Variants in DIMT1 observed in about 807,000 individuals in gnomAD.
DIMT1 encodes dimethyladenosine transferase.
In DIMT1, 36 loss-of-function variants were observed where a neutral mutation model predicts 43.2. The ratio of observed to expected loss-of-function variants is 0.83; its 90% CI spans 0.64 to 1.10. The LOEUF is 1.10. Ranked by LOEUF, DIMT1 falls within the 50% of genes least tolerant of loss-of-function variation. DIMT1 has a pLI of 0.00. For missense variants in DIMT1, 341 were observed against 385.3 expected (o/e 0.88, Z 0.96); for synonymous variants, 126 against 130.3 (o/e 0.97, Z 0.22).
At chr5:62,397,652 C>CTT (rs35041675) in intron 6 of DIMT1, among the ~76,000 whole-genome samples, 2 of 147,474 alleles carry the variant, frequency 1.4e-5, no homozygotes, top group Non-Finnish European at 1.5e-5. Flanking sequence ...TCCCCATAAA[C>CTT]TTTTTTTTTT....
chr5:62,398,338 T>C (rs1742574121), intron 6 of DIMT1, 173 bp downstream of exon 6: 4 of 639,384 alleles, frequency 6.3e-6, no homozygotes, highest in South Asian at 6.1e-5. Context: ...TCCAGCACAC[T>C]ACCCCCAAAT....
chr5:62,397,056 T>A (rs1163921213), intron 6 of DIMT1, among the ~76,000 whole-genome samples: 2 of 152,180 alleles, frequency 1.3e-5, no homozygotes, highest in East Asian at 3.9e-4. Context: ...TTCAAGCGAT[T>A]CCCCTGCCTC....
chr5:62,394,724 G>C (rs1742419684), intron 6 of DIMT1, 117 bp from the exon 7 acceptor site: 2 of 1,334,488 alleles, frequency 1.5e-6, no homozygotes, highest in African/African-American at 1.5e-5. Flanking sequence ...TGATTATAAG[G>C]TAGGAGAACA....
chr5:62,391,984 AC>A, intron 10 of DIMT1, 186 bp downstream of exon 10: 1 of 1,540,854 alleles, frequency 6.5e-7, no homozygotes, highest in Non-Finnish European at 8.7e-7. Context: ...TATCTGTTTC[AC>A]AGGATACACA....
At chr5:62,392,375 T>C in intron 9 of DIMT1, 141 bp from the exon 10 acceptor site, 1 of 669,982 alleles carries the variant, frequency 1.5e-6, no homozygotes, top group Non-Finnish European at 2.5e-6. Context: ...ATATTCTGTA[T>C]GGTGAAATTA....
chr5:62,400,322 A>ACTG (rs1480775985), intron 3 of DIMT1, among the ~76,000 whole-genome samples: 2 of 151,734 alleles, frequency 1.3e-5, no homozygotes, highest in Admixed American at 6.6e-5. Context: ...ATCATAGCTC[A>ACTG]CTGCTGCCTC....
intron 9 of DIMT1, 24 bp downstream of exon 9, chr5:62,392,902 A>G (rs1361573801): frequency 6.4e-7 from 1 of 1,560,472 alleles, no homozygotes; most frequent in Non-Finnish European, 8.8e-7. Flanking sequence ...CCCTTTATAC[A>G]TTAGAAATTA....
intron 1 of DIMT1, 122 bp from the exon 2 acceptor site, chr5:62,403,468 A>C: frequency 9.6e-7 from 1 of 1,038,274 alleles, no homozygotes; most frequent in South Asian, 1.3e-5. Context: ...ACGAAACGTC[A>C]CGCCAGGACT....
intron 3 of DIMT1, among the ~76,000 whole-genome samples, chr5:62,400,886 C>G (rs1013289870): frequency 1.3e-5 from 2 of 151,852 alleles, no homozygotes; most frequent in African/African-American, 4.8e-5. Context: ...AGCCTCCCTG[C>G]TAGCCAGGGC....
chr5:62,403,060 A>G (rs1208658576), intron 2 of DIMT1, among the ~76,000 whole-genome samples: 1 of 152,234 alleles, frequency 6.6e-6, no homozygotes, highest in Non-Finnish European at 1.5e-5. Flanking sequence ...ATCCACAAAA[A>G]GACACAGAAT....
chr5:62,397,190 C>T (rs1419269369), intron 6 of DIMT1, among the ~76,000 whole-genome samples: 4 of 152,034 alleles, frequency 2.6e-5, no homozygotes, highest in Non-Finnish European at 4.4e-5. Flanking sequence ...GTGATCTGCC[C>T]GCCTCGGCCT....
At chr5:62,403,638 G>A (rs45623332) in intron 1 of DIMT1, 56 bp downstream of exon 1, 150,102 of 1,552,850 alleles carry the variant, frequency 0.097, 7,870 homozygotes, top group South Asian at 0.16. Context: ...CCCCAGGCTA[G>A]GTCCTGCCGG....
At chr5:62,398,938 T>G in intron 3 of DIMT1, 57 bp from the exon 4 acceptor site, 1 of 1,327,318 alleles carries the variant, frequency 7.5e-7, no homozygotes, top group Non-Finnish European at 1.0e-6. Context: ...AATCTTTTAT[T>G]GTTATCCCAA....
chr5:62,390,342 T>C (rs930514659), intron 11 of DIMT1, among the ~76,000 whole-genome samples: 9 of 152,236 alleles, frequency 5.9e-5, no homozygotes, highest in African/African-American at 2.2e-4. Context: ...TTATGACAGC[T>C]TTTTACTTGA....
intron 6 of DIMT1, among the ~76,000 whole-genome samples, chr5:62,395,766 G>A (rs1407618640): frequency 3.3e-5 from 5 of 152,158 alleles, no homozygotes; most frequent in East Asian, 1.9e-4. Flanking sequence ...CACTTTAGGA[G>A]GCCAAGGCGG....
Position 62,387,361 on chromosome 5 carries a change from C to T in DIMT1, c.*1649G>A, listed in dbSNP as rs1187712204. ...AAAGGTAGTTTTTGAGATTAACCAA[C>T]TTTCAAAGGGCAATAAAGACATGTG... On this transcript the variant is annotated 3_prime_UTR_variant, in exon 12 of 12. Transcript: ENST00000199320. 2 of 152,160 alleles carry T rather than the reference C, an allele frequency of 1.3e-5. No individual in the cohort carries two copies. Among genetic ancestry groups the T allele is most frequent in the Non-Finnish European group, 2.9e-5 (2 of 68,018 alleles). The allele number at this position is 152,160 out of a possible 1,614,324, so 9.4% of individuals were successfully genotyped here. A position where few individuals can be genotyped will look rare whatever the true frequency, so the allele number is the denominator to read the frequency against.
chr5:62,398,480 T>G (rs1347514870), intron 6 of DIMT1, 31 bp downstream of exon 6: 1 of 1,604,668 alleles, frequency 6.2e-7, no homozygotes. Context: ...CTTTCAAAAT[T>G]TGGCAGTAAC....
At chr5:62,400,481 G>A (rs915011537) in intron 3 of DIMT1, among the ~76,000 whole-genome samples, 1 of 152,030 alleles carries the variant, frequency 6.6e-6, no homozygotes, top group East Asian at 1.9e-4. Context: ...CAAAACTCCT[G>A]GGCTCAAACA....
At chr5:62,391,867 C>T in intron 10 of DIMT1, 1 of 1,516,708 alleles carries the variant, frequency 6.6e-7, no homozygotes, top group Non-Finnish European at 8.8e-7. Context: ...GCAAGCTACA[C>T]ATATCTACAG....
Sources: gnomAD v4.1 joint callset for allele counts (sites outside exome capture counted in the v4.1 genomes callset) on GRCh38, gnomAD v4.1.1 for gene constraint, MANE v1.5 for transcripts, NCBI Gene and HGNC (gene_info 2026-07-23, HGNC 2026-07-21) for gene names.